MPRIP: variants seen among roughly 807,000 people sequenced by gnomAD.
MPRIP encodes myosin phosphatase Rho interacting protein.
A neutral mutation model predicts 234.9 loss-of-function variants in MPRIP; 59 were observed. The observed-to-expected ratio is 0.25, with a 90% confidence interval of 0.20 to 0.31. The LOEUF (loss-of-function observed/expected upper bound fraction) is 0.31, where lower values mean the gene tolerates loss of function less well. Among genes scored for constraint, MPRIP ranks in the 10% least tolerant of loss-of-function variants. MPRIP has a pLI of 1.00. For synonymous variants in MPRIP, 1,144 were observed against 1,263.9 expected, an observed-to-expected ratio of 0.91 and a Z score of 2.01; for missense variants, 2,436 against 3,071.0, an observed-to-expected ratio of 0.79 and a Z score of 4.89.
intron 20 of MPRIP, 33 bp downstream of exon 20, chr17:17,175,445 G>A (rs1428304658): frequency 3.2e-6 from 5 of 1,565,182 alleles, no homozygotes; most frequent in Non-Finnish European, 4.3e-6. Flanking sequence ...GCCTGACTCA[G>A]CTCTGCACCC....
intron 3 of MPRIP, among the ~76,000 whole-genome samples, chr17:17,120,933 G>A (rs2144351539): frequency 6.6e-6 from 1 of 152,264 alleles, no homozygotes; most frequent in African/African-American, 2.4e-5. Flanking sequence ...TGCCCCCTAG[G>A]CAGAGGCAGG....
intron 5 of MPRIP, among the ~76,000 whole-genome samples, chr17:17,132,070 G>A (rs1240941166): frequency 5.3e-5 from 8 of 152,212 alleles, no homozygotes; most frequent in Admixed American, 3.3e-4. Context: ...GCAGGCAGCC[G>A]GATGCAGTAG....
In MPRIP at chr17:17,050,247, G is replaced by A. The variant is rs372586876; in HGVS notation, c.123+7276G>A. On this transcript the variant is annotated intron_variant, in intron 1 of 23. Coordinates refer to ENST00000651222, the MANE Select transcript of MPRIP (RefSeq NM_001364716.4). ...GGAGAATGGTGTGAACCCGGGAGGC[G>A]GAGCTTGCAGTGAGCTGAGATTGCG... 6.0e-5 allele frequency among the ~76,000 whole-genome samples: 9 copies of A among 150,646 alleles called. No individual in the cohort carries two copies. In the East Asian group the frequency reaches 1.6e-3, roughly 26 times the overall value.
intron 11 of MPRIP, 73 bp from the exon 12 acceptor site, chr17:17,150,071 T>TA (rs745878927): frequency 2.0e-5 from 22 of 1,083,618 alleles, no homozygotes; most frequent in East Asian, 1.9e-4. Context: ...GAAAATCACT[T>TA]ACGGAAATTT....
chr17:17,060,823 G>A (rs753153590), intron 1 of MPRIP, among the ~76,000 whole-genome samples: 23 of 152,350 alleles, frequency 1.5e-4, no homozygotes, highest in Non-Finnish European at 2.5e-4. Context: ...GTTTGTGGAA[G>A]CCTATATTGA....
intron 3 of MPRIP, among the ~76,000 whole-genome samples, chr17:17,110,630 T>G (rs1437486607): frequency 1.3e-5 from 2 of 152,096 alleles, no homozygotes; most frequent in African/African-American, 4.8e-5. Flanking sequence ...CTTAAGGTCA[T>G]CATCAACAGT....
intron 23 of MPRIP, among the ~76,000 whole-genome samples, chr17:17,183,477 A>G (rs929467112): frequency 2.7e-4 from 41 of 152,274 alleles, no homozygotes; most frequent in African/African-American, 9.4e-4. Context: ...CGGCCTCCCA[A>G]AGTGCTGGGA....
At chr17:17,057,596 C>T (rs568832843) in intron 1 of MPRIP, 44 of 717,900 alleles carry the variant, frequency 6.1e-5, no homozygotes, top group Middle Eastern at 4.5e-4. Flanking sequence ...CTACGCTGTT[C>T]ATCACTGTTA....
Position 17,158,594 on chromosome 17 carries a change from T to G in MPRIP, c.1992T>G (p.Ala664=), listed in dbSNP as rs1409682991. Residue 664 remains alanine, a synonymous_variant, in exon 14 of 24, where the codon GCT becomes GCG. Coordinates refer to ENST00000651222, the MANE Select transcript of MPRIP (RefSeq NM_001364716.4). ...REGRSKTFDW[A]EFRPIQQALA... ...GCCGCTCCAAGACCTTTGACTGGGC[T>G]GAGTTCCGTCCCATCCAGCAGGCCC... The G allele has an allele frequency of 4.4e-6, 7 of 1,608,210 alleles. No homozygotes were observed. The highest frequency in any genetic ancestry group is 5.9e-6 in the Non-Finnish European group (7 of 1,178,316).
chr17:17,054,895 A>G (rs2088647305), intron 1 of MPRIP, among the ~76,000 whole-genome samples: 1 of 151,908 alleles, frequency 6.6e-6, no homozygotes, highest in Non-Finnish European at 1.5e-5. Flanking sequence ...ACAAAAAAGT[A>G]AAAAACATAG....
chr17:17,176,622 C>T (rs2046260490), intron 21 of MPRIP, 110 bp downstream of exon 21: 2 of 839,822 alleles, frequency 2.4e-6, no homozygotes, highest in Non-Finnish European at 3.9e-6. Context: ...GCAGATTTTA[C>T]TCTTGTGAGG....
intron 3 of MPRIP, among the ~76,000 whole-genome samples, chr17:17,118,577 C>T (rs2097148563): frequency 6.6e-6 from 1 of 152,318 alleles, no homozygotes. Context: ...TGGAACTGCC[C>T]TTTGAACCAT....
At chr17:17,071,762 C>G (rs1029188782) in intron 1 of MPRIP, among the ~76,000 whole-genome samples, 1 of 152,058 alleles carries the variant, frequency 6.6e-6, no homozygotes, top group Non-Finnish European at 1.5e-5. Context: ...TATATGGGAT[C>G]CGGAGCCACA....
At chr17:17,173,883 C>G in intron 18 of MPRIP, 33 bp from the exon 19 acceptor site, 1 of 1,612,856 alleles carries the variant, frequency 6.2e-7, no homozygotes, top group Non-Finnish European at 8.5e-7. Flanking sequence ...TGTCCAGAAG[C>G]AGGCAGAGGA....
chr17:17,070,231 T>C (rs2089160777), intron 1 of MPRIP, among the ~76,000 whole-genome samples: 2 of 152,216 alleles, frequency 1.3e-5, no homozygotes, highest in Admixed American at 1.3e-4. Context: ...TTAGTTATTG[T>C]ATGTCTTGGT....
intron 15 of MPRIP, among the ~76,000 whole-genome samples, chr17:17,162,840 G>A (rs1285899326): frequency 6.6e-6 from 1 of 152,206 alleles, no homozygotes; most frequent in African/African-American, 2.4e-5. Context: ...TAAGTAGAAT[G>A]CAAATATTTT....
At chr17:17,071,225 T>C (rs1215058570) in intron 1 of MPRIP, among the ~76,000 whole-genome samples, 2 of 152,220 alleles carry the variant, frequency 1.3e-5, no homozygotes, top group Admixed American at 1.3e-4. Context: ...CTGTGACTTT[T>C]GGCCAGAGTA....
At chr17:17,070,578 AT>A (rs1161729333) in intron 1 of MPRIP, among the ~76,000 whole-genome samples, 1 of 152,030 alleles carries the variant, frequency 6.6e-6, no homozygotes, top group African/African-American at 2.4e-5. Flanking sequence ...CAGTTACCGT[AT>A]TTTTCAATTT....
intron 6 of MPRIP, 136 bp downstream of exon 6, chr17:17,136,586 G>A: frequency 1.2e-6 from 1 of 841,876 alleles, no homozygotes; most frequent in Non-Finnish European, 1.9e-6. Flanking sequence ...CATCAGCCCT[G>A]GGGGTAGCAC....
Sources: allele counts gnomAD v4.1 joint callset (sites outside exome capture counted in the v4.1 genomes callset), GRCh38; gene constraint gnomAD v4.1.1; transcripts MANE v1.5; gene names NCBI Gene and HGNC (gene_info 2026-07-23, HGNC 2026-07-21).